Variants in PREX2 observed in about 807,000 individuals in gnomAD.
PREX2 encodes the protein phosphatidylinositol-3,4,5-trisphosphate dependent Rac exchange factor 2.
A neutral mutation model predicts 203.2 loss-of-function variants in PREX2; 107 were observed. The ratio of observed to expected loss-of-function variants is 0.53; its 90% CI spans 0.45 to 0.62. The LOEUF (loss-of-function observed/expected upper bound fraction) is 0.62, where lower values mean the gene tolerates loss of function less well. Ranked by LOEUF, PREX2 falls within the 20% of genes least tolerant of loss-of-function variation. PREX2 has a pLI of 0.00. For synonymous variants in PREX2, 672 were observed against 663.6 expected (o/e 1.01, Z -0.19); for missense variants, 1,777 against 1,955.9 (o/e 0.91, Z 1.72).
At position 68,117,863 on chromosome 8, in the gene PREX2, C is replaced by T. The variant is rs765138163; in HGVS notation, c.3327-687C>T. ...AACCAATAAGTTATGATTTAAGCCA[C>T]CAGAAAGGGACAGAAATCACAGAAC... On this transcript the variant is annotated intron_variant, in intron 26 of 39. Transcript: ENST00000288368. Among the ~76,000 whole-genome samples, 3 of 152,178 alleles carry T rather than the reference C, an allele frequency of 2.0e-5. No homozygotes were observed. The East Asian group carries it at 5.8e-4, about 29-fold the overall frequency.
intron 1 of PREX2, among the ~76,000 whole-genome samples, chr8:67,997,341 A>G (rs541897325): frequency 1.0e-3 from 159 of 152,204 alleles, no homozygotes; most frequent in African/African-American, 3.8e-3. Flanking sequence ...TGAACCCTAT[A>G]TGCTGTTTCC....
chr8:68,023,867 T>C (rs1807638289), intron 4 of PREX2, among the ~76,000 whole-genome samples: 1 of 152,110 alleles, frequency 6.6e-6, no homozygotes, highest in South Asian at 2.1e-4. Context: ...AGTAGTTCTT[T>C]TGTAGCTTCT....
chr8:68,069,090 A>G lies in PREX2; in HGVS notation c.1397A>G (p.Asp466Gly), dbSNP rs1809110742. The part of the protein sequence containing the change: ...EQMLYRFRYD[D>G]GTFYPRNEMQ... Reference sequence around the variant, plus strand: ...ATGTTATATAGATTTCGCTATGATGATGGAACATTTTATCCAAGAAATGAG... The same window carrying G: ...ATGTTATATAGATTTCGCTATGATGGTGGAACATTTTATCCAAGAAATGAG... Residue 466 changes from aspartate (D) to glycine (G), a missense_variant, in exon 12 of 40, where the codon GAT (aspartate) becomes GGT (glycine). By Grantham distance (94) the Asp-to-Gly change is moderately conservative. Transcript: ENST00000288368. 1 of 1,577,342 alleles carries G rather than the reference A, an allele frequency of 6.3e-7. No individual in the cohort carries two copies. Among genetic ancestry groups the G allele is most frequent in the Non-Finnish European group, 8.6e-7 (1 of 1,165,462 alleles).
At chr8:68,104,686 T>A (rs1351600100) in intron 23 of PREX2, among the ~76,000 whole-genome samples, 3 of 152,234 alleles carry the variant, frequency 2.0e-5, no homozygotes, top group African/African-American at 7.2e-5. Context: ...CTGTATTCAC[T>A]GTTGACCTCT....
At chr8:67,971,759 GT>G (rs1013415623) in intron 1 of PREX2, among the ~76,000 whole-genome samples, 7 of 152,274 alleles carry the variant, frequency 4.6e-5, no homozygotes, top group Middle Eastern at 3.4e-3. Context: ...TATAGTTAAA[GT>G]TTTGATTTAA....
At chr8:68,216,892 G>A (rs1451117032) in intron 37 of PREX2, among the ~76,000 whole-genome samples, 1 of 151,152 alleles carries the variant, frequency 6.6e-6, no homozygotes, top group Non-Finnish European at 1.5e-5. Context: ...AACCTGGGAG[G>A]CAGAGGTTGC....
intron 25 of PREX2, among the ~76,000 whole-genome samples, chr8:68,113,840 A>G (rs1387299079): frequency 6.6e-6 from 1 of 151,788 alleles, no homozygotes; most frequent in Non-Finnish European, 1.5e-5. Flanking sequence ...GGGCTTTTGT[A>G]TTTTGTTTTT....
At position 68,025,145 on chromosome 8, in the gene PREX2, ACTT is replaced by A. The variant is rs142060552; in HGVS notation, c.442-2067_442-2065del. On this transcript the variant is annotated intron_variant, in intron 4 of 39. Coordinates refer to ENST00000288368, the MANE Select transcript of PREX2 (RefSeq NM_024870.4). Reference sequence around the variant, plus strand: ...GATATTAGGTTTTTCAGCCCTTAGTACTTCTTCTTCTTGTAAGTCAGTTCTACT... The same window carrying A: ...GATATTAGGTTTTTCAGCCCTTAGTACTTCTTCTTGTAAGTCAGTTCTACT... Among the ~76,000 whole-genome samples the A allele has an allele frequency of 8.0e-3, 1,211 of 151,734 alleles. 19 individuals carry two copies. Among genetic ancestry groups the A allele is most frequent in the African/African-American group, 0.027 (1,128 of 41,418 alleles).
rs181376869 is a variant in PREX2, at chr8:68,153,483, A to T, written c.4232-3839A>T. 2.0e-3 allele frequency among the ~76,000 whole-genome samples: 303 copies of T among 152,342 alleles called. 2 individuals are homozygous for T. Among genetic ancestry groups the T allele is most frequent in the African/African-American group, 7.1e-3 (295 of 41,592 alleles). Reference sequence around the variant, plus strand: ...GTTTTTCTTCCTCTACTTGAAAAGTAGTAGAAGTAAATAAACTAAATATTC... The same window carrying T: ...GTTTTTCTTCCTCTACTTGAAAAGTTGTAGAAGTAAATAAACTAAATATTC... On this transcript the variant is annotated intron_variant, in intron 34 of 39. Transcript: ENST00000288368.
At chr8:67,968,296 C>T (rs928796042) in intron 1 of PREX2, among the ~76,000 whole-genome samples, 1 of 152,126 alleles carries the variant, frequency 6.6e-6, no homozygotes, top group African/African-American at 2.4e-5. Flanking sequence ...CATCCTGGAA[C>T]GTCGGCTCTT....
intron 35 of PREX2, among the ~76,000 whole-genome samples, chr8:68,160,247 A>G (rs1449975724): frequency 1.3e-5 from 2 of 152,176 alleles, no homozygotes; most frequent in African/African-American, 4.8e-5. Flanking sequence ...TGAAGACACA[A>G]CACTTTAGAA....
chr8:68,153,615 T>C (rs1285985908), intron 34 of PREX2, among the ~76,000 whole-genome samples: 2 of 152,182 alleles, frequency 1.3e-5, no homozygotes, highest in Non-Finnish European at 2.9e-5. Context: ...AATTAACATG[T>C]TATTTAATTT....
intron 26 of PREX2, among the ~76,000 whole-genome samples, chr8:68,118,197 T>C (rs1810695174): frequency 6.6e-6 from 1 of 151,758 alleles, no homozygotes; most frequent in Admixed American, 6.6e-5. Flanking sequence ...CTACTAAAAA[T>C]ACAAAAAATT....
At chr8:68,177,066 A>G (rs1246562786) in intron 35 of PREX2, 1 of 153,140 alleles carries the variant, frequency 6.5e-6, no homozygotes, top group Non-Finnish European at 1.5e-5. Context: ...AGATCTGCTG[A>G]GAACAATGAT....
chr8:68,098,976 A>ATC (rs1554577023), intron 22 of PREX2, among the ~76,000 whole-genome samples: 7 of 129,786 alleles, frequency 5.4e-5, no homozygotes, highest in East Asian at 4.6e-4. Context: ...ATATATATAT[A>ATC]TCTCACATAA....
At position 68,139,640 on chromosome 8, in the gene PREX2, C is replaced by G. The variant is rs914796065; in HGVS notation, c.4087+1123C>G. Among the ~76,000 whole-genome samples, 9 of 152,270 alleles carry G rather than the reference C, an allele frequency of 5.9e-5. No homozygotes were observed. In the South Asian group the frequency reaches 6.2e-4, roughly 11 times the overall value. ...TGATCAGTTAGAAAGCTACCTCTCC[C>G]AGGTGGGAGAGGATGGTGACTTGGC... is the stretch of plus-strand genomic sequence containing the variant. On this transcript the variant is annotated intron_variant, in intron 33 of 39. Coordinates refer to ENST00000288368, the MANE Select transcript of PREX2 (RefSeq NM_024870.4).
chr8:68,205,534 T>A lies in PREX2; in HGVS notation c.4605-12082T>A, dbSNP rs565935072. 2.0e-5 allele frequency among the ~76,000 whole-genome samples: 3 copies of A among 152,334 alleles called. No homozygotes were observed. The East Asian group carries it at 5.8e-4, about 29-fold the overall frequency. On this transcript the variant is annotated intron_variant, in intron 37 of 39. Coordinates refer to ENST00000288368, the MANE Select transcript of PREX2 (RefSeq NM_024870.4). ...TGCAGTCTCTGCCTATGTAGAACCG[T>A]ACCAGCAACGTGGGGATTGATCACT...
In PREX2 at chr8:68,119,530, TG is replaced by T; in HGVS notation, c.3504+17del. On this transcript the variant is annotated intron_variant, in intron 28 of 39. Coordinates refer to ENST00000288368, the MANE Select transcript of PREX2 (RefSeq NM_024870.4). ...TTTCAGCCAGGTACAATCGGGCATT[TG>T]TGGGGCTTTTGTTCCACAACTAAAC... 1 of 1,592,016 alleles carries T rather than the reference TG, an allele frequency of 6.3e-7. No individual in the cohort carries two copies. The highest frequency in any genetic ancestry group is 8.6e-7 in the Non-Finnish European group (1 of 1,160,026).
intron 23 of PREX2, chr8:68,105,746 C>G: frequency 6.6e-6 from 1 of 151,880 alleles, no homozygotes; most frequent in Non-Finnish European, 1.2e-5. Context: ...TATATATATA[C>G]ATATATATGT....
Sources: gnomAD v4.1 joint callset for allele counts (sites outside exome capture counted in the v4.1 genomes callset) on GRCh38, gnomAD v4.1.1 for gene constraint, MANE v1.5 for transcripts, NCBI Gene and HGNC (gene_info 2026-07-23, HGNC 2026-07-21) for gene names.